ELAVL2: variants seen among roughly 807,000 people sequenced by gnomAD.
ELAVL2 encodes the protein ELAV-like protein 2.
ELAVL2 carries 4 observed loss-of-function variants against 34.6 expected under a neutral mutation model. The ratio of observed to expected loss-of-function variants is 0.12; its 90% CI spans 0.06 to 0.26. The LOEUF (loss-of-function observed/expected upper bound fraction) is 0.26. Among genes scored for constraint, ELAVL2 ranks in the 10% least tolerant of loss-of-function variants. ELAVL2 has a pLI of 1.00. For missense variants in ELAVL2, 432 were observed against 442.8 expected, an observed-to-expected ratio of 0.98 and a Z score of 0.22; for synonymous variants, 193 against 154.8, an observed-to-expected ratio of 1.25 and a Z score of -1.83.
In ELAVL2 at chr9:23,692,677, T is replaced by C. The variant is rs756818015; in HGVS notation, c.960A>G (p.Gly320=). ...CATCATAGTTTGTCATAGTCACAAA[T>C]CCAAAACCTTTGCATTTATTGGTGT... The part of the protein sequence containing the change: ...DFNTNKCKGF[G]FVTMTNYDEA... Residue 320 remains glycine, a synonymous_variant, in exon 7 of 7, where the codon GGA becomes GGG. Coordinates refer to ENST00000397312, the MANE Select transcript of ELAVL2 (RefSeq NM_004432.5). The C allele has an allele frequency of 1.2e-6, 2 of 1,614,176 alleles. No individual in the cohort carries two copies. The highest frequency in any genetic ancestry group is 1.1e-5 in the South Asian group (1 of 91,082).
chr9:23,692,667 T>G lies in ELAVL2; in HGVS notation c.970A>C (p.Met324Leu). 6.2e-7 allele frequency: 1 copy of G among 1,614,216 alleles called. No individual in the cohort carries two copies. The highest frequency in any genetic ancestry group is 2.2e-5 in the East Asian group (1 of 44,870). The change falls in exon 7 of 7, where the codon ATG (methionine) becomes CTG (leucine). Residue 324 changes from methionine to leucine, a missense_variant. Around this residue, in one of 3 missense-constraint regions of ELAVL2, gnomAD observed 295 missense variants for 306.1 expected, o/e 0.96. Transcript: ENST00000397312. ...ATGGCAGCCTCATCATAGTTTGTCA[T>G]AGTCACAAATCCAAAACCTTTGCAT... ...NKCKGFGFVT[M>L]TNYDEAAMAI...
intron 3 of ELAVL2, among the ~76,000 whole-genome samples, chr9:23,706,340 G>A (rs7854654): frequency 5.3e-5 from 8 of 152,116 alleles, no homozygotes; most frequent in African/African-American, 1.7e-4. Context: ...TGCCTAGTGA[G>A]TGCCTGACAT....
At chr9:23,828,752 T>A (rs1227336514), upstream of ELAVL2, among the ~76,000 whole-genome samples, 2 of 152,224 alleles carry the variant, frequency 1.3e-5, no homozygotes, top group Non-Finnish European at 2.9e-5. Flanking sequence ...AATATTATTT[T>A]ACTTCCTCAT....
At chr9:23,715,199 A>C (rs561220324) in intron 3 of ELAVL2, among the ~76,000 whole-genome samples, 1 of 152,230 alleles carries the variant, frequency 6.6e-6, no homozygotes, top group East Asian at 1.9e-4. Context: ...CTCACTCTGG[A>C]GTGCAGTGGC....
intron 2 of ELAVL2, among the ~76,000 whole-genome samples, chr9:23,750,663 A>G (rs2135550283): frequency 6.6e-6 from 1 of 152,320 alleles, no homozygotes; most frequent in Non-Finnish European, 1.5e-5. Context: ...CCTTGTCTAC[A>G]TGAGAAGATG....
intron 3 of ELAVL2, among the ~76,000 whole-genome samples, chr9:23,708,056 TC>T (rs141477595): frequency 0.21 from 32,175 of 151,924 alleles, 3,649 homozygotes; most frequent in South Asian, 0.39. Flanking sequence ...ATTTTTTTTT[TC>T]CCCAATGTCC....
At chr9:23,808,170 G>A (rs1246780981) in intron 1 of ELAVL2, among the ~76,000 whole-genome samples, 1 of 151,990 alleles carries the variant, frequency 6.6e-6, no homozygotes, top group Non-Finnish European at 1.5e-5. Context: ...GTAAAAATAA[G>A]GTAGCTAGGA....
chr9:23,704,738 T>G (rs1266245828), intron 4 of ELAVL2, among the ~76,000 whole-genome samples, 180 bp downstream of exon 4: 1 of 152,106 alleles, frequency 6.6e-6, no homozygotes, highest in African/African-American at 2.4e-5. Context: ...CTCACTATAC[T>G]CCACAATCTA....
chr9:23,783,552 A>C, intron 1 of ELAVL2: 1 of 957,764 alleles, frequency 1.0e-6, no homozygotes, highest in Non-Finnish European at 1.2e-6. Context: ...TTTAGTCACC[A>C]CTAAAAGGAC....
intron 4 of ELAVL2, 120 bp downstream of exon 4, chr9:23,704,798 C>G: frequency 7.7e-7 from 1 of 1,292,476 alleles, no homozygotes; most frequent in Non-Finnish European, 1.1e-6. Flanking sequence ...ATTGCATTTT[C>G]TGGCCCACAT....
intron 5 of ELAVL2, among the ~76,000 whole-genome samples, chr9:23,699,264 A>G (rs552201124): frequency 2.6e-5 from 4 of 152,232 alleles, no homozygotes; most frequent in East Asian, 1.9e-4. Flanking sequence ...CCCATCAACA[A>G]CCTAGCACCT....
chr9:23,719,044 GAC>G (rs746025522), intron 3 of ELAVL2, among the ~76,000 whole-genome samples: 31 of 152,212 alleles, frequency 2.0e-4, no homozygotes, highest in Non-Finnish European at 2.8e-4. Flanking sequence ...GCAATAAAGA[GAC>G]CATATCATTG....
intron 3 of ELAVL2, among the ~76,000 whole-genome samples, chr9:23,710,319 A>G (rs1431234160): frequency 1.3e-5 from 2 of 152,212 alleles, no homozygotes; most frequent in East Asian, 3.8e-4. Context: ...CATCTTATGA[A>G]TTAGTACTTT....
At chr9:23,726,413 C>A (rs539668784) in intron 3 of ELAVL2, among the ~76,000 whole-genome samples, 47 of 152,128 alleles carry the variant, frequency 3.1e-4, no homozygotes, top group Non-Finnish European at 5.3e-4. Context: ...TTAATCAAGA[C>A]CAAAATCGGG....
Position 23,710,889 on chromosome 9 carries a change from A to G in ELAVL2, c.334-5818T>C, listed in dbSNP as rs115448248. 7.5e-3 allele frequency among the ~76,000 whole-genome samples: 1,137 copies of G among 152,274 alleles called. 12 individuals carry two copies. The highest frequency in any genetic ancestry group is 0.026 in the African/African-American group (1,088 of 41,554). Reference sequence around the variant, plus strand: ...ACATCGGACCTTCCAAAATGAGCTCAGAAGTATAGTACACAGAAGAAGGGG... The same window carrying G: ...ACATCGGACCTTCCAAAATGAGCTCGGAAGTATAGTACACAGAAGAAGGGG... On this transcript the variant is annotated intron_variant, in intron 3 of 6. Transcript: ENST00000397312.
chr9:23,765,121 T>A, intron 1 of ELAVL2: 1 of 1,576,772 alleles, frequency 6.3e-7, no homozygotes, highest in Non-Finnish European at 8.6e-7. Flanking sequence ...ACACAAAAAG[T>A]ACCGTATGTT....
intron 1 of ELAVL2, among the ~76,000 whole-genome samples, chr9:23,816,007 G>GA (rs1383018738): frequency 6.6e-6 from 1 of 152,056 alleles, no homozygotes; most frequent in Non-Finnish European, 1.5e-5. Flanking sequence ...ACTAGTATAA[G>GA]AAGACAACTC....
At chr9:23,716,242 C>A (rs571483527) in intron 3 of ELAVL2, among the ~76,000 whole-genome samples, 1 of 151,834 alleles carries the variant, frequency 6.6e-6, no homozygotes, top group Non-Finnish European at 1.5e-5. Context: ...TGCAGCACAC[C>A]AACATGGCAC....
chr9:23,730,043 C>T (rs1009676304), intron 3 of ELAVL2, among the ~76,000 whole-genome samples: 2 of 151,984 alleles, frequency 1.3e-5, no homozygotes, highest in African/African-American at 2.4e-5. Flanking sequence ...TAGAAGTTGT[C>T]TGGAACACTA....
Sources: gnomAD v4.1 joint callset for allele counts (sites outside exome capture counted in the v4.1 genomes callset) on GRCh38, gnomAD v4.1.1 for gene constraint, gnomAD v4.1.1 regional missense constraint, MANE v1.5 for transcripts, NCBI Gene and HGNC (gene_info 2026-07-23, HGNC 2026-07-21) for gene names.